Variants in HEPACAM2 observed in about 807,000 individuals in gnomAD.
HEPACAM2 encodes the protein HEPACAM family member 2, also known as mitotic kinetics regulator.
In HEPACAM2, 49 loss-of-function variants were observed where a neutral mutation model predicts 49.6. The observed-to-expected ratio is 0.99, with a 90% CI of 0.78 to 1.25. HEPACAM2 has a LOEUF of 1.25. HEPACAM2 is among the 50% of genes most tolerant of loss of function. The pLI is 0.00. For synonymous variants in HEPACAM2, 197 were observed against 202.9 expected, an observed-to-expected ratio of 0.97 and a Z score of 0.25; for missense variants, 525 against 557.2, an observed-to-expected ratio of 0.94 and a Z score of 0.58.
chr7:93,204,484 T>C (rs993565094), intron 4 of HEPACAM2, among the ~76,000 whole-genome samples: 2 of 152,132 alleles, frequency 1.3e-5, no homozygotes, highest in African/African-American at 4.8e-5. Context: ...ATTAAGGTAA[T>C]AAAATCTTGT....
At chr7:93,213,371 C>T (rs1794224845) in intron 3 of HEPACAM2, among the ~76,000 whole-genome samples, 1 of 152,044 alleles carries the variant, frequency 6.6e-6, no homozygotes, top group Middle Eastern at 3.4e-3. Flanking sequence ...TTTTATTATA[C>T]TTTTTCTGCC....
chr7:93,232,042 G>A, the HEPACAM2 span, among the ~76,000 whole-genome samples: 1 of 152,058 alleles, frequency 6.6e-6, no homozygotes, highest in African/African-American at 2.4e-5. Flanking sequence ...ACTCCTAGGG[G>A]ACATCGCGTC....
At chr7:93,198,834 A>C (rs1428846963) in intron 4 of HEPACAM2, among the ~76,000 whole-genome samples, 1 of 152,056 alleles carries the variant, frequency 6.6e-6, no homozygotes, top group Non-Finnish European at 1.5e-5. Flanking sequence ...CTCTGCTGAG[A>C]TCTCCAACAG....
At chr7:93,208,428 A>C (rs1213103594) in intron 4 of HEPACAM2, 152 bp downstream of exon 4, 1 of 643,998 alleles carries the variant, frequency 1.6e-6, no homozygotes, top group South Asian at 2.9e-5. Flanking sequence ...CATAGAAACC[A>C]TGGCTTAGTT....
rs148519653 is a variant in HEPACAM2 at position 93,219,338 on chromosome 7, G to C, written c.193C>G (p.Gln65Glu). The C allele has an allele frequency of 1.2e-6, 2 of 1,613,882 alleles. No homozygotes were observed. Among genetic ancestry groups the C allele is most frequent in the Admixed American group, 1.7e-5 (1 of 59,956 alleles). Residue 65 changes from glutamine to glutamate, a missense_variant, in exon 2 of 10, where the codon CAG becomes GAG. Gln to Glu is a conservative substitution (Grantham distance 29). Coordinates refer to ENST00000394468, the MANE Select transcript of HEPACAM2 (RefSeq NM_001039372.4). Reference protein sequence around the residue: ...YGFHTPASDIQIIWLFERPHT... With the variant: ...YGFHTPASDIEIIWLFERPHT... ...GGTCTCTCAAATAGCCATATGATCT[G>C]GATGTCTGATGCTGGAGTGTGGAAG...
At chr7:93,208,290 G>T (rs1794080190) in intron 4 of HEPACAM2, among the ~76,000 whole-genome samples, 1 of 151,880 alleles carries the variant, frequency 6.6e-6, no homozygotes, top group African/African-American at 2.4e-5. Flanking sequence ...TTATATTTTT[G>T]TTCATAAAAC....
upstream of HEPACAM2, among the ~76,000 whole-genome samples, chr7:93,228,679 G>A (rs1025035367): frequency 6.6e-6 from 1 of 152,192 alleles, no homozygotes; most frequent in Non-Finnish European, 1.5e-5. Flanking sequence ...AGGGCCTGTA[G>A]TGTTACTGTT....
At chr7:93,197,016 G>A (rs900136347) in intron 7 of HEPACAM2, among the ~76,000 whole-genome samples, 5 of 3,920 alleles carry the variant, frequency 1.3e-3, no homozygotes, top group Non-Finnish European at 1.4e-3. Flanking sequence ...GTAAAATGGA[G>A]TTAAGAGTGC....
At chr7:93,212,953 C>T (rs1193338637) in intron 3 of HEPACAM2, among the ~76,000 whole-genome samples, 1 of 152,012 alleles carries the variant, frequency 6.6e-6, no homozygotes, top group African/African-American at 2.4e-5. Flanking sequence ...AGAGAGCTCC[C>T]AATAGAAATG....
At chr7:93,195,719 G>A in intron 8 of HEPACAM2, 109 bp downstream of exon 8, 3 of 785,906 alleles carry the variant, frequency 3.8e-6, no homozygotes, top group South Asian at 3.1e-5. Flanking sequence ...TGCAGTAATG[G>A]GTAATGCAGC....
At position 93,215,288 on chromosome 7, in the gene HEPACAM2, T is replaced by C. The variant is rs556285268; in HGVS notation, c.715+113A>G. ...TGTGATTAGAACTATTGAACTACAA[T>C]AATGGTAAAAAGCCAAATGACATCT... On this transcript the variant is annotated intron_variant, in intron 3 of 9. Coordinates refer to ENST00000394468, the MANE Select transcript of HEPACAM2 (RefSeq NM_001039372.4). 4.9e-5 allele frequency: 45 copies of C among 916,470 alleles called. 1 individual carries two copies. The African/African-American group carries it at 5.4e-4, about 11-fold the overall frequency. 56.8% of individuals were successfully genotyped at this position (916,470 alleles called of 1,614,324 possible). A position where few individuals can be genotyped will look rare whatever the true frequency, so the allele number is the denominator to read the frequency against.
At position 93,193,739 on chromosome 7, in the gene HEPACAM2, T is replaced by G. The variant is rs1584326286; in HGVS notation, c.1276-1376A>C. ...CAGGTGCACACCGTGGCACCTAGCT[T>G]ATTTTGATTTTTAAAAACTCAGAAA... On this transcript the variant is annotated intron_variant, in intron 8 of 9. Transcript: ENST00000394468. Among the ~76,000 whole-genome samples the G allele has an allele frequency of 3.3e-5, 5 of 152,246 alleles. No homozygotes were observed. The South Asian group carries it at 1.0e-3, about 32-fold the overall frequency.
rs557941337 is a variant in HEPACAM2 at position 93,207,148 on chromosome 7, A to G, written c.1012+1432T>C. Among the ~76,000 whole-genome samples the G allele has an allele frequency of 3.3e-5, 5 of 152,224 alleles. No homozygotes were observed. The South Asian group carries it at 8.3e-4, about 25-fold the overall frequency. The stretch of plus-strand genomic sequence containing the variant: ...GAGCCTAAGGATTACAAGAAATTAT[A>G]TTGTTGCATCACTTATTCAACAAAA... On this transcript the variant is annotated intron_variant, in intron 4 of 9. Transcript: ENST00000394468.
At chr7:93,207,758 A>T (rs1347901472) in intron 4 of HEPACAM2, among the ~76,000 whole-genome samples, 1 of 151,768 alleles carries the variant, frequency 6.6e-6, no homozygotes, top group Non-Finnish European at 1.5e-5. Flanking sequence ...GATATATCAG[A>T]CCTGTATGGT....
intron 1 of HEPACAM2, among the ~76,000 whole-genome samples, chr7:93,223,940 G>A (rs1250228449): frequency 6.6e-6 from 1 of 152,106 alleles, no homozygotes; most frequent in Non-Finnish European, 1.5e-5. Context: ...TCTTATCATT[G>A]ATGTGTCACC....
chr7:93,201,095 G>C (rs1052574718), intron 4 of HEPACAM2, among the ~76,000 whole-genome samples: 6 of 152,144 alleles, frequency 3.9e-5, no homozygotes, highest in Non-Finnish European at 8.8e-5. Flanking sequence ...AGTGGCCCCA[G>C]TGGGAATTGA....
At chr7:93,212,859 A>G (rs898331750) in intron 3 of HEPACAM2, among the ~76,000 whole-genome samples, 1 of 152,132 alleles carries the variant, frequency 6.6e-6, no homozygotes, top group Non-Finnish European at 1.5e-5. Context: ...TGATTCAACT[A>G]GAGTGACCTC....
intron 7 of HEPACAM2, among the ~76,000 whole-genome samples, chr7:93,196,162 C>T (rs955336988): frequency 9.2e-5 from 14 of 152,096 alleles, no homozygotes; most frequent in African/African-American, 2.9e-4. Context: ...TTTAAATACA[C>T]ACAGGTGGGC....
chr7:93,197,015 A>G (rs1194391070), intron 7 of HEPACAM2, among the ~76,000 whole-genome samples: 2 of 10,854 alleles, frequency 1.8e-4, no homozygotes, highest in African/African-American at 8.0e-4. Context: ...TGTAAAATGG[A>G]GTTAAGAGTG....
Sources: allele counts gnomAD v4.1 joint callset (sites outside exome capture counted in the v4.1 genomes callset), GRCh38; gene constraint gnomAD v4.1.1; transcripts MANE v1.5; gene names NCBI Gene and HGNC (gene_info 2026-07-23, HGNC 2026-07-21).